The following JAK2 variants were observed in gnomAD, a reference collection of about 807,000 sequenced individuals.
JAK2 encodes the protein Janus kinase 2, also known as tyrosine-protein kinase JAK2.
Under a neutral mutation model 139.3 loss-of-function variants are expected in JAK2, and 86 were observed. That is an observed-to-expected ratio of 0.62 (90% confidence interval 0.52 to 0.74). The LOEUF (loss-of-function observed/expected upper bound fraction) is 0.74. Among genes scored for constraint, JAK2 ranks in the 30% least tolerant of loss-of-function variants. JAK2 has a pLI of 0.00. For synonymous variants in JAK2, 490 were observed against 437.7 expected (o/e 1.12, Z -1.49); for missense variants, 1,421 against 1,360.3 (o/e 1.04, Z -0.70).
intron 22 of JAK2, chr9:5,099,567 C>G (rs549983752): frequency 6.6e-6 from 1 of 152,112 alleles, no homozygotes; most frequent in Non-Finnish European, 1.5e-5. Context: ...TTAAAATGAA[C>G]GAAATCTATT....
At chr9:5,083,921 A>T (rs1311975809) in intron 19 of JAK2, among the ~76,000 whole-genome samples, 2 of 152,128 alleles carry the variant, frequency 1.3e-5, no homozygotes, top group African/African-American at 4.8e-5. Flanking sequence ...TATATATACA[A>T]TTCTATATCT....
chr9:5,085,994 GTGATGAAACTGTGATATACTATATACATT>G (rs1479295324), intron 19 of JAK2: 75 of 903,852 alleles, frequency 8.3e-5, no homozygotes, highest in Middle Eastern at 3.3e-4. Context: ...ACGGGGTTGT[GTGATGAAACTGTGATATACTATATACATT>G]TGGACAGGCA....
At chr9:5,122,134 C>G (rs1329983274) in intron 22 of JAK2, among the ~76,000 whole-genome samples, 1 of 152,086 alleles carries the variant, frequency 6.6e-6, no homozygotes, top group African/African-American at 2.4e-5. Flanking sequence ...GATTAGGAAA[C>G]TTAAATGGGA....
chr9:5,055,731 A>T lies in JAK2; in HGVS notation c.999A>T (p.Gln333His). ...IIDVSIKQANQEGSNESRVVT... is the reference protein window; with the variant it reads ...IIDVSIKQANHEGSNESRVVT... ...ATGTCAGTATTAAGCAAGCAAACCA[A>T]GAGGGTTCAAATGAAAGCCGAGTTG... Residue 333 changes from glutamine to histidine, a missense_variant, in exon 8 of 25, where the codon CAA becomes CAT. By Grantham distance (24) the Gln-to-His change is conservative (BLOSUM62 0). Transcript: ENST00000381652. The T allele has an allele frequency of 1.2e-6, 2 of 1,609,306 alleles. No individual in the cohort carries two copies. Among genetic ancestry groups the T allele is most frequent in the East Asian group, 4.5e-5 (2 of 44,700 alleles).
chr9:5,049,086 T>G (rs1817234032), intron 5 of JAK2, among the ~76,000 whole-genome samples: 1 of 152,204 alleles, frequency 6.6e-6, no homozygotes, highest in Non-Finnish European at 1.5e-5. Flanking sequence ...GTTAATAAAG[T>G]TATCAGCCTT....
At chr9:5,081,053 A>G (rs1409471817) in intron 18 of JAK2, among the ~76,000 whole-genome samples, 11 of 150,062 alleles carry the variant, frequency 7.3e-5, no homozygotes, top group Non-Finnish European at 1.6e-4. Context: ...CCGCCACCAC[A>G]CCCGGCTAAT....
intron 2 of JAK2, among the ~76,000 whole-genome samples, chr9:5,014,477 A>G (rs1821918518): frequency 6.6e-6 from 1 of 152,196 alleles, no homozygotes; most frequent in South Asian, 2.1e-4. Context: ...AGAAACTTTC[A>G]TTCTAGTGGT....
rs775309638 is a variant in JAK2 at position 5,022,230 on chromosome 9, A to C, written c.226+17A>C. On this transcript the variant is annotated intron_variant, in intron 3 of 24. Coordinates refer to ENST00000381652, the MANE Select transcript of JAK2 (RefSeq NM_004972.4). ...AAGCTTGTGGTAAGTATTAAAAAACAGCATTTTCCTTTTTATGCATGGATT... is the reference window on the plus strand; with the variant it reads ...AAGCTTGTGGTAAGTATTAAAAAACCGCATTTTCCTTTTTATGCATGGATT... 1.9e-6 allele frequency: 3 copies of C among 1,566,962 alleles called. No homozygotes were observed. In the South Asian group the frequency reaches 3.3e-5, roughly 17 times the overall value.
intron 2 of JAK2, among the ~76,000 whole-genome samples, chr9:5,014,971 T>C (rs1040642205): frequency 3.3e-5 from 5 of 152,156 alleles, no homozygotes; most frequent in African/African-American, 9.7e-5. Flanking sequence ...CACATGTATA[T>C]GCCTAAACAA....
rs537333576 is a variant in JAK2, at chr9:5,127,923, A to G, written c.*1132A>G. Reference sequence around the variant, plus strand: ...AAAAGTATGCTTGTTAATTTTATTCAAGAATGCCAGTAGAAAATTCATAAC... The same window carrying G: ...AAAAGTATGCTTGTTAATTTTATTCGAGAATGCCAGTAGAAAATTCATAAC... On this transcript the variant is annotated 3_prime_UTR_variant, in exon 25 of 25. Transcript: ENST00000381652. The G allele has an allele frequency of 9.9e-5, 23 of 232,340 alleles. No homozygotes were observed. The highest frequency in any genetic ancestry group is 1.3e-3 in the Middle Eastern group (1 of 800). 14.4% of individuals were successfully genotyped at this position (232,340 alleles called of 1,614,324 possible).
At chr9:5,123,238 G>A (rs1169501058) in intron 23 of JAK2, 117 bp downstream of exon 23, 2 of 600,472 alleles carry the variant, frequency 3.3e-6, no homozygotes, top group Non-Finnish European at 6.0e-6. Flanking sequence ...TGAAGTCAGA[G>A]CTTTTAGGGT....
chr9:5,040,437 G>T (rs1816397709), intron 4 of JAK2, among the ~76,000 whole-genome samples: 1 of 152,128 alleles, frequency 6.6e-6, no homozygotes, highest in Non-Finnish European at 1.5e-5. Flanking sequence ...AGTGACAAAA[G>T]AAAAATAGTT....
chr9:5,042,857 G>C (rs1363162957), intron 4 of JAK2, among the ~76,000 whole-genome samples: 8 of 152,230 alleles, frequency 5.3e-5, no homozygotes. Flanking sequence ...ACCAAAGCTC[G>C]GTCGCCACAG....
chr9:5,022,332 G>T lies in JAK2; in HGVS notation c.226+119G>T, dbSNP rs150829797. Reference sequence around the variant, plus strand: ...TTTTTTTAATGCTTGTATGGCTGGCGTGTGTGTTTTCACATGCATAGAAAA... The same window carrying T: ...TTTTTTTAATGCTTGTATGGCTGGCTTGTGTGTTTTCACATGCATAGAAAA... On this transcript the variant is annotated intron_variant, in intron 3 of 24. Transcript: ENST00000381652. The T allele has an allele frequency of 5.7e-4, 355 of 625,318 alleles. 1 individual carries two copies. In the East Asian group the frequency reaches 8.7e-3, roughly 15 times the overall value. 38.7% of individuals were successfully genotyped at this position (625,318 alleles called of 1,614,324 possible). A position where few individuals can be genotyped will look rare whatever the true frequency, so the allele number is the denominator to read the frequency against.
chr9:5,014,456 T>A (rs1821917153), intron 2 of JAK2, among the ~76,000 whole-genome samples: 1 of 152,212 alleles, frequency 6.6e-6, no homozygotes, highest in South Asian at 2.1e-4. Context: ...ACATTAAGGT[T>A]CTTACCTTCA....
chr9:5,072,872 T>C (rs774664136), intron 13 of JAK2, among the ~76,000 whole-genome samples: 1 of 152,180 alleles, frequency 6.6e-6, no homozygotes, highest in Non-Finnish European at 1.5e-5. Flanking sequence ...CATTTCTGCA[T>C]ATACTGTGGC....
In JAK2 at chr9:5,051,118, G is replaced by A. The variant is rs557587340; in HGVS notation, c.614+287G>A. Among the ~76,000 whole-genome samples the A allele has an allele frequency of 3.9e-5, 6 of 152,144 alleles. No homozygotes were observed. In the South Asian group the frequency reaches 8.3e-4, roughly 21 times the overall value. On this transcript the variant is annotated intron_variant, in intron 6 of 24. Coordinates refer to ENST00000381652, the MANE Select transcript of JAK2 (RefSeq NM_004972.4). Reference sequence around the variant, plus strand: ...AAAGTTCTGGATTTTGGAACATTTCGTATTTCAGATATTTGCAAGAGGGAT... The same window carrying A: ...AAAGTTCTGGATTTTGGAACATTTCATATTTCAGATATTTGCAAGAGGGAT...
intron 2 of JAK2, among the ~76,000 whole-genome samples, chr9:4,987,763 A>G (rs987885233): frequency 6.6e-6 from 1 of 151,750 alleles, no homozygotes; most frequent in Non-Finnish European, 1.5e-5. Context: ...AAAGAAAAAA[A>G]GAGTTATATT....
At chr9:5,055,146 T>C (rs1311902552) in intron 7 of JAK2, among the ~76,000 whole-genome samples, 1 of 152,022 alleles carries the variant, frequency 6.6e-6, no homozygotes, top group East Asian at 1.9e-4. Flanking sequence ...CTAAAAGTGA[T>C]TTTAAAGGAG....
Sources: gnomAD v4.1 joint callset for allele counts (sites outside exome capture counted in the v4.1 genomes callset) on GRCh38, gnomAD v4.1.1 for gene constraint, MANE v1.5 for transcripts, NCBI Gene and HGNC (gene_info 2026-07-23, HGNC 2026-07-21) for gene names.